Variants in ADGRA2 observed in about 807,000 individuals in gnomAD.
ADGRA2 encodes adhesion G protein-coupled receptor A2.
In ADGRA2, 61 loss-of-function variants were observed where a neutral mutation model predicts 98.7. That is an observed-to-expected ratio of 0.62 (90% CI 0.50 to 0.76). ADGRA2 has a LOEUF of 0.76. Among genes scored for constraint, ADGRA2 ranks in the 30% least tolerant of loss-of-function variants. The pLI, the probability that ADGRA2 is intolerant of heterozygous loss-of-function variation, is 0.00. For missense variants in ADGRA2, 1,712 were observed against 1,860.0 expected (o/e 0.92, Z 1.46); for synonymous variants, 858 against 831.5 (o/e 1.03, Z -0.55).
chr8:37,797,830 C>A lies in ADGRA2; in HGVS notation c.266+296C>A, dbSNP rs1167304500. Among the ~76,000 whole-genome samples, 6 of 152,188 alleles carry A rather than the reference C, an allele frequency of 3.9e-5. No individual in the cohort carries two copies. The highest frequency in any genetic ancestry group is 7.4e-5 in the Non-Finnish European group (5 of 68,018). On this transcript the variant is annotated intron_variant, in intron 1 of 18. Transcript: ENST00000412232. This position sits in a 1 kb window ranked among gnomAD's most constrained non-coding sequence, Gnocchi z 5.3. ...AGAGCACGCCTGCAGGGCACCCACG[C>A]CCCGGATTTCCAGCCTGGACTAGGG...
Position 37,797,253 on chromosome 8 carries a change from G to A in ADGRA2, c.-16G>A. 1 of 1,244,274 alleles carries A rather than the reference G, an allele frequency of 8.0e-7. No individual in the cohort carries two copies. Among genetic ancestry groups the A allele is most frequent in the Non-Finnish European group, 1.0e-6 (1 of 997,038 alleles). The allele number at this position is 1,244,274 out of a possible 1,614,324, so 77.1% of individuals were successfully genotyped here. A position where few individuals can be genotyped will look rare whatever the true frequency, so the allele number is the denominator to read the frequency against. Reference sequence around the variant, plus strand: ...CCCGGCCCCAGCGCTGTGGGTCCCCGCGGGGCGATGGGTTGATGGGCGCCG... The same window carrying A: ...CCCGGCCCCAGCGCTGTGGGTCCCCACGGGGCGATGGGTTGATGGGCGCCG... On this transcript the variant is annotated 5_prime_UTR_variant, in exon 1 of 19. Coordinates refer to ENST00000412232, the MANE Select transcript of ADGRA2 (RefSeq NM_032777.10). This position sits in a 1 kb window ranked among gnomAD's most constrained non-coding sequence, Gnocchi z 5.3.
chr8:37,829,711 G>A, intron 5 of ADGRA2, 140 bp from the exon 6 acceptor site: 1 of 990,278 alleles, frequency 1.0e-6, no homozygotes, highest in Non-Finnish European at 1.6e-6. Context: ...TCCCGCGATG[G>A]CCCGGGGCAG....
At chr8:37,804,890 G>A (rs1157606279) in intron 1 of ADGRA2, among the ~76,000 whole-genome samples, 1 of 152,244 alleles carries the variant, frequency 6.6e-6, no homozygotes, top group East Asian at 1.9e-4. Flanking sequence ...CTGTACATAA[G>A]CACTGCATGG....
rs60565183 is a variant in ADGRA2 at position 37,804,100 on chromosome 8, G to GACACACACACACACACACACACAC, written c.266+6595_266+6618dup. On this transcript the variant is annotated intron_variant, in intron 1 of 18. Coordinates refer to ENST00000412232, the MANE Select transcript of ADGRA2 (RefSeq NM_032777.10). Reference sequence around the variant, plus strand: ...GGAGGGGCCAGCCTGCCCACGGTGAGACACACACACACACACACACACACA... The same window carrying GACACACACACACACACACACACAC: ...GGAGGGGCCAGCCTGCCCACGGTGAGACACACACACACACACACACACACACACACACACACACACACACACACA... 1.2e-3 allele frequency among the ~76,000 whole-genome samples: 127 copies of GACACACACACACACACACACACAC among 107,180 alleles called. 5 individuals carry two copies. The highest frequency in any genetic ancestry group is 4.0e-3 in the East Asian group (11 of 2,754). 70.3% of individuals were successfully genotyped at this position (107,180 alleles called of 152,430 possible). A position where few individuals can be genotyped will look rare whatever the true frequency, so the allele number is the denominator to read the frequency against.
rs1234406552 is a variant in ADGRA2, at chr8:37,843,417, A to T, written c.*1062A>T. ...CAGCTTCCCGACTCCCAGGAGCTCA[A>T]GCCAAGCCCAGAGGCAGTGGCTGGG... On this transcript the variant is annotated 3_prime_UTR_variant, in exon 19 of 19. Coordinates refer to ENST00000412232, the MANE Select transcript of ADGRA2 (RefSeq NM_032777.10). The T allele has an allele frequency of 6.6e-6, 1 of 152,302 alleles. No homozygotes were observed. The highest frequency in any genetic ancestry group is 1.5e-5 in the Non-Finnish European group (1 of 68,088). The allele number at this position is 152,302 out of a possible 1,614,324, so 9.4% of individuals were successfully genotyped here.
chr8:37,842,916 G>C lies in ADGRA2; in HGVS notation c.*561G>C, dbSNP rs1172550769. 2.0e-5 allele frequency: 3 copies of C among 152,840 alleles called. No individual in the cohort carries two copies. The highest frequency in any genetic ancestry group is 1.3e-4 in the Admixed American group (2 of 15,282). 9.5% of individuals were successfully genotyped at this position (152,840 alleles called of 1,614,324 possible). On this transcript the variant is annotated 3_prime_UTR_variant, in exon 19 of 19. Transcript: ENST00000412232. ...TTCAGATCCACTATGCAAGAGGGGA[G>C]GGTGGGGCCACGTGAAAGGCAGCTC...
At chr8:37,799,317 G>A (rs1230098335) in intron 1 of ADGRA2, among the ~76,000 whole-genome samples, 1 of 151,544 alleles carries the variant, frequency 6.6e-6, no homozygotes, top group Non-Finnish European at 1.5e-5. Context: ...GGAGGTTGCA[G>A]TGAGCCGCGA....
At position 37,842,220 on chromosome 8, in the gene ADGRA2, G is replaced by A. The variant is rs1258510773; in HGVS notation, c.3882G>A (p.Ser1294=). 1 of 1,547,650 alleles carries A rather than the reference G, an allele frequency of 6.5e-7. No individual in the cohort carries two copies. Among genetic ancestry groups the A allele is most frequent in the South Asian group, 1.2e-5 (1 of 83,882 alleles). Reference sequence around the variant, plus strand: ...TGGAGAAGGAGAGCCATCGCCGCTCGTACCCGCTCAACGCCGCCAGCCTAA... The same window carrying A: ...TGGAGAAGGAGAGCCATCGCCGCTCATACCCGCTCAACGCCGCCAGCCTAA... ...GALEKESHRR[S]YPLNAASLNG... Residue 1294 remains serine, a synonymous_variant, in exon 19 of 19, where the codon TCG becomes TCA. Transcript: ENST00000412232.
intron 8 of ADGRA2, among the ~76,000 whole-genome samples, chr8:37,831,976 C>G (rs1805468181): frequency 6.6e-6 from 1 of 152,174 alleles, no homozygotes. Flanking sequence ...AGGAGAATCG[C>G]TTGAACCCAG....
chr8:37,837,647 A>ACTG (rs1805657838), intron 13 of ADGRA2, 84 bp from the exon 14 acceptor site: 3 of 1,140,098 alleles, frequency 2.6e-6, no homozygotes, highest in African/African-American at 1.5e-5. Context: ...ACACCCTGTC[A>ACTG]CTGCTGCTGC....
chr8:37,841,117 G>A lies in ADGRA2; in HGVS notation c.2779G>A (p.Ala927Thr). 2 of 1,607,012 alleles carry A rather than the reference G, an allele frequency of 1.2e-6. No individual in the cohort carries two copies. The highest frequency in any genetic ancestry group is 1.7e-6 in the Non-Finnish European group (2 of 1,177,212). ...GCTGGTGTGGCGTCCAAGCCTTGGC[G>A]CCTTCTACATCCCTGTGGCTTTGAT... ...CWLVWRPSLG[A>T]FYIPVALILL... The change falls in exon 19 of 19, where the codon GCC (alanine) becomes ACC (threonine). Residue 927 changes from alanine to threonine, a missense_variant. Physicochemically the swap from Ala to Thr is moderately conservative, Grantham distance 58. Transcript: ENST00000412232. The surrounding 1 kb of genome is among the most constrained non-coding windows in gnomAD (Gnocchi z 5.0).
intron 2 of ADGRA2, among the ~76,000 whole-genome samples, chr8:37,828,277 G>A (rs1356344380): frequency 6.6e-6 from 1 of 152,154 alleles, no homozygotes; most frequent in African/African-American, 2.4e-5. Flanking sequence ...GCTTCCCAGG[G>A]CAACCCCAGC....
At chr8:37,804,338 C>T (rs1804599949) in intron 1 of ADGRA2, among the ~76,000 whole-genome samples, 2 of 151,774 alleles carry the variant, frequency 1.3e-5, no homozygotes. Flanking sequence ...CTCTTGAAAG[C>T]TTCACCACCC....
At chr8:37,839,273 G>T in intron 15 of ADGRA2, 190 bp downstream of exon 15, 3 of 636,062 alleles carry the variant, frequency 4.7e-6, no homozygotes, top group Non-Finnish European at 5.9e-6. Flanking sequence ...CTTGGCAGGG[G>T]TTTTTTCCCC....
Position 37,835,409 on chromosome 8 carries a change from G to T in ADGRA2, c.1833+11G>T. Reference sequence around the variant, plus strand: ...TCCTTCCACATCAAGGTGGGCGCTGGGGGAGGGAGAGGGGGTGGGAGAAGG... The same window carrying T: ...TCCTTCCACATCAAGGTGGGCGCTGTGGGAGGGAGAGGGGGTGGGAGAAGG... On this transcript the variant is annotated intron_variant, in intron 12 of 18. Coordinates refer to ENST00000412232, the MANE Select transcript of ADGRA2 (RefSeq NM_032777.10). 6.2e-7 allele frequency: 1 copy of T among 1,603,262 alleles called. No individual in the cohort carries two copies. The highest frequency in any genetic ancestry group is 8.5e-7 in the Non-Finnish European group (1 of 1,175,004).
At chr8:37,810,510 A>T (rs1322732082) in intron 1 of ADGRA2, among the ~76,000 whole-genome samples, 5 of 150,022 alleles carry the variant, frequency 3.3e-5, no homozygotes, top group South Asian at 4.2e-4. Context: ...TCTCTCTCTC[A>T]AAAAAAAAGA....
At chr8:37,828,481 CTTTTTTTTTTTT>C (rs35779657) in intron 2 of ADGRA2, among the ~76,000 whole-genome samples, 2 of 82,986 alleles carry the variant, frequency 2.4e-5, no homozygotes, top group African/African-American at 9.8e-5. Flanking sequence ...GGGGGTGGTT[CTTTTTTTTTTTT>C]TTTTTTTTTT....
At chr8:37,813,327 G>A (rs2129941917) in intron 1 of ADGRA2, among the ~76,000 whole-genome samples, 1 of 152,270 alleles carries the variant, frequency 6.6e-6, no homozygotes, top group East Asian at 1.9e-4. Context: ...GCCTCTAGAG[G>A]CCCTAAGAAT....
At chr8:37,806,866 T>A (rs1477437942) in intron 1 of ADGRA2, among the ~76,000 whole-genome samples, 1 of 152,164 alleles carries the variant, frequency 6.6e-6, no homozygotes, top group Non-Finnish European at 1.5e-5. Context: ...CTCCAGATTC[T>A]GTCCCAAAGC....
Sources: gnomAD v4.1 joint callset for allele counts (sites outside exome capture counted in the v4.1 genomes callset) on GRCh38, gnomAD v4.1.1 for gene constraint, Gnocchi (gnomAD v3.1) non-coding constraint, MANE v1.5 for transcripts, NCBI Gene and HGNC (gene_info 2026-07-23, HGNC 2026-07-21) for gene names.